The following CYP2E1 variants were observed in gnomAD, a reference collection of about 807,000 sequenced individuals.
The protein encoded by CYP2E1 is cytochrome P450 family 2 subfamily E member 1, also known as cytochrome P450 2E1.
A neutral mutation model predicts 42.9 loss-of-function variants in CYP2E1; 31 were observed. That is an observed-to-expected ratio of 0.72 (90% CI 0.54 to 0.98). The LOEUF (loss-of-function observed/expected upper bound fraction) is 0.98, where lower values mean the gene tolerates loss of function less well. Among genes scored for constraint, CYP2E1 ranks in the 50% least tolerant of loss-of-function variants. The pLI is 0.00. For missense variants in CYP2E1, 565 were observed against 633.2 expected, an observed-to-expected ratio of 0.89 and a Z score of 1.16; for synonymous variants, 244 against 248.9, an observed-to-expected ratio of 0.98 and a Z score of 0.19.
intron 2 of CYP2E1, among the ~76,000 whole-genome samples, chr10:133,528,872 A>T (rs891043819): frequency 6.6e-6 from 1 of 152,182 alleles, no homozygotes; most frequent in Admixed American, 6.5e-5. Flanking sequence ...GGGAGAGTTT[A>T]TGGGGATGGG....
chr10:133,528,724 C>T (rs1851302635), intron 2 of CYP2E1, 84 bp downstream of exon 2: 1 of 1,493,316 alleles, frequency 6.7e-7, no homozygotes. Context: ...CGGCGATGGC[C>T]AAATAATAAA....
At position 133,527,564 on chromosome 10, in the gene CYP2E1, T is replaced by C. The variant is rs756596289; in HGVS notation, c.169T>C (p.Phe57Leu). 1.6e-5 allele frequency: 25 copies of C among 1,609,558 alleles called. No individual in the cohort carries two copies. In the African/African-American group the frequency reaches 2.4e-4, roughly 15 times the overall value. The change falls in exon 1 of 9, where the codon TTC becomes CTC. Residue 57 changes from phenylalanine to leucine, a missense_variant. By Grantham distance (22) the Phe-to-Leu change is conservative. Transcript: ENST00000252945. ...GGAATTGAAGAATATTCCCAAGTCC[T>C]TCACCCGGGTAAGAGAAATAGTGTT... ...QLELKNIPKS[F>L]TRLAQRFGPV...
chr10:133,537,185 G>A lies in CYP2E1; in HGVS notation c.1090G>A (p.Val364Met), dbSNP rs762908601. ...TGAGATTCAGCGGTTCATCACCCTC[G>A]TGCCCTCCAACCTGCCCCATGAAGC... ...VHEIQRFITL[V>M]PSNLPHEATR... Residue 364 changes from valine to methionine, a missense_variant, in exon 7 of 9, where the codon GTG becomes ATG. Physicochemically the swap from Val to Met is conservative, Grantham distance 21. Coordinates refer to ENST00000252945, the MANE Select transcript of CYP2E1 (RefSeq NM_000773.4). The A allele has an allele frequency of 2.2e-5, 36 of 1,613,858 alleles. No homozygotes were observed. Among genetic ancestry groups the A allele is most frequent in the South Asian group, 1.9e-4 (17 of 91,070 alleles).
In CYP2E1 at chr10:133,532,258, C is replaced by T. The variant is rs750987941; in HGVS notation, c.622C>T (p.His208Tyr). ...GATGTATTTGTTTAATGAGAACTTC[C>T]ACCTACTCAGCACTCCCTGGCTCCA... is the stretch of plus-strand genomic sequence containing the variant. Reference protein sequence around the residue: ...RLMYLFNENFHLLSTPWLQLY... With the variant: ...RLMYLFNENFYLLSTPWLQLY... The change falls in exon 4 of 9, where the codon CAC (histidine) becomes TAC (tyrosine). Residue 208 changes from histidine to tyrosine, a missense_variant. By Grantham distance (83) the His-to-Tyr change is moderately conservative. Transcript: ENST00000252945. The T allele has an allele frequency of 6.2e-6, 10 of 1,613,682 alleles. No individual in the cohort carries two copies. The highest frequency in any genetic ancestry group is 1.7e-5 in the Admixed American group (1 of 60,024).
chr10:133,531,603 G>A lies in CYP2E1; in HGVS notation c.356G>A (p.Gly119Glu), dbSNP rs1851336920. 1.9e-6 allele frequency: 3 copies of A among 1,614,040 alleles called. No homozygotes were observed. Among genetic ancestry groups the A allele is most frequent in the Non-Finnish European group, 2.5e-6 (3 of 1,180,002 alleles). ...GCCTTAGGAATCATTTTTAATAATG[G>A]ACCTACCTGGAAGGACATCCGGCGG... ...HRDRGIIFNN[G>E]PTWKDIRRFS... The change falls in exon 3 of 9, where the codon GGA becomes GAA. Residue 119 changes from glycine to glutamate, a missense_variant. Gly to Glu is a moderately conservative substitution (Grantham distance 98). Coordinates refer to ENST00000252945, the MANE Select transcript of CYP2E1 (RefSeq NM_000773.4).
At chr10:133,528,445 G>A in intron 1 of CYP2E1, 36 bp from the exon 2 acceptor site, 1 of 1,606,940 alleles carries the variant, frequency 6.2e-7, no homozygotes, top group Non-Finnish European at 8.5e-7. Context: ...TCCTCGCCGC[G>A]CGGCGGGCCT....
In CYP2E1 at chr10:133,538,890, G is replaced by A. The variant is rs199954662; in HGVS notation, c.1408G>A (p.Asp470Asn). 9 of 1,613,844 alleles carry A rather than the reference G, an allele frequency of 5.6e-6. No individual in the cohort carries two copies. Among genetic ancestry groups the A allele is most frequent in the African/African-American group, 2.7e-5 (2 of 74,850 alleles). ...GCCTCTCGTTGACCCAAAGGATATC[G>A]ACCTCAGCCCTATACATATTGGGTT... is the stretch of plus-strand genomic sequence containing the variant. ...LKPLVDPKDI[D>N]LSPIHIGFGC... The change falls in exon 9 of 9, where the codon GAC becomes AAC. Residue 470 changes from aspartate to asparagine, a missense_variant. By Grantham distance (23) the Asp-to-Asn change is conservative. Coordinates refer to ENST00000252945, the MANE Select transcript of CYP2E1 (RefSeq NM_000773.4).
At chr10:133,534,937 T>C (rs1476436375) in intron 6 of CYP2E1, among the ~76,000 whole-genome samples, 2 of 151,734 alleles carry the variant, frequency 1.3e-5, no homozygotes, top group Non-Finnish European at 2.9e-5. Flanking sequence ...CAATCATGGC[T>C]CATTGTAGCT....
intron 2 of CYP2E1, 71 bp from the exon 3 acceptor site, chr10:133,531,514 A>G (rs1329609710): frequency 1.9e-6 from 3 of 1,558,370 alleles, no homozygotes; most frequent in Non-Finnish European, 1.8e-6. Flanking sequence ...CTGCTCTCCA[A>G]GGCCCTCTGT....
In CYP2E1 at chr10:133,532,583, A is replaced by G. The variant is rs1458089971; in HGVS notation, c.649-109A>G. ...ACTGTTGACCCAAAATATTCCAAATAAACAATGATTACAGCCACAAATTCA... is the reference window on the plus strand; with the variant it reads ...ACTGTTGACCCAAAATATTCCAAATGAACAATGATTACAGCCACAAATTCA... On this transcript the variant is annotated intron_variant, in intron 4 of 8. Transcript: ENST00000252945. 7.5e-6 allele frequency: 8 copies of G among 1,067,010 alleles called. No homozygotes were observed. In the Admixed American group the frequency reaches 1.4e-4, roughly 18 times the overall value. 66.1% of individuals were successfully genotyped at this position (1,067,010 alleles called of 1,614,324 possible).
At chr10:133,528,803 T>C (rs1038472247) in intron 2 of CYP2E1, among the ~76,000 whole-genome samples, 163 bp downstream of exon 2, 2 of 152,174 alleles carry the variant, frequency 1.3e-5, no homozygotes, top group African/African-American at 4.8e-5. Flanking sequence ...CCCCCGCGCG[T>C]TGCCTGCGGA....
chr10:133,532,740 A>C lies in CYP2E1; in HGVS notation c.697A>C (p.Arg233=). The change falls in exon 5 of 9, where the codon AGA becomes CGA. Residue 233 remains arginine (R), a synonymous_variant. Transcript: ENST00000252945. ...SFLHYLPGSH[R]KVIKNVAEVK... ...TCTACACTACTTGCCTGGAAGCCAC[A>C]GAAAAGTCATAAAAAATGTGGCTGA... 6.2e-7 allele frequency: 1 copy of C among 1,612,810 alleles called. No individual in the cohort carries two copies. The highest frequency in any genetic ancestry group is 8.5e-7 in the Non-Finnish European group (1 of 1,179,696).
At chr10:133,530,591 C>CCTG (rs1851324179) in intron 2 of CYP2E1, among the ~76,000 whole-genome samples, 1 of 152,188 alleles carries the variant, frequency 6.6e-6, no homozygotes, top group African/African-American at 2.4e-5. Context: ...CAGGCGCCTC[C>CCTG]CAGGAGTGGT....
chr10:133,537,608 C>G, intron 7 of CYP2E1, 143 bp from the exon 8 acceptor site: 2 of 710,486 alleles, frequency 2.8e-6, no homozygotes, highest in Non-Finnish European at 4.6e-6. Flanking sequence ...TCTATCTAAT[C>G]CTTCACTAAG....
In CYP2E1 at chr10:133,528,517, G is replaced by A. The variant is rs35844228; in HGVS notation, c.214G>A (p.Val72Met). ...QRFGPVFTLY[V>M]GSQRMVVMHG... Reference sequence around the variant, plus strand: ...CTTCGGGCCGGTGTTCACGCTGTACGTGGGCTCGCAGCGCATGGTGGTGAT... The same window carrying A: ...CTTCGGGCCGGTGTTCACGCTGTACATGGGCTCGCAGCGCATGGTGGTGAT... Residue 72 changes from valine (V) to methionine (M), a missense_variant, in exon 2 of 9, where the codon GTG becomes ATG. Transcript: ENST00000252945. The A allele has an allele frequency of 1.9e-6, 3 of 1,613,480 alleles. No homozygotes were observed. The highest frequency in any genetic ancestry group is 1.7e-6 in the Non-Finnish European group (2 of 1,179,962).
intron 1 of CYP2E1, chr10:133,528,231 CCGCGGAGTTGT>C (rs926543480): frequency 5.0e-5 from 21 of 417,898 alleles, no homozygotes; most frequent in African/African-American, 4.0e-4. Flanking sequence ...CGCGGAGTTG[CCGCGGAGTTGT>C]CCGCGGAGTC....
chr10:133,529,379 C>T (rs896624781), intron 2 of CYP2E1, among the ~76,000 whole-genome samples: 1 of 152,224 alleles, frequency 6.6e-6, no homozygotes, highest in African/African-American at 2.4e-5. Flanking sequence ...CTCTTCCTGC[C>T]TGCAGACCTG....
intron 7 of CYP2E1, 143 bp from the exon 8 acceptor site, chr10:133,537,608 C>A: frequency 1.4e-6 from 1 of 710,486 alleles, no homozygotes; most frequent in Non-Finnish European, 2.3e-6. Flanking sequence ...TCTATCTAAT[C>A]CTTCACTAAG....
chr10:133,531,075 A>C (rs2854144), intron 2 of CYP2E1, among the ~76,000 whole-genome samples: 1 of 152,108 alleles, frequency 6.6e-6, no homozygotes, highest in Non-Finnish European at 1.5e-5. Flanking sequence ...TTGCACAGTC[A>C]CTTGTGTGAC....
Sources: gnomAD v4.1 joint callset for allele counts (sites outside exome capture counted in the v4.1 genomes callset) on GRCh38, gnomAD v4.1.1 for gene constraint, MANE v1.5 for transcripts, NCBI Gene and HGNC (gene_info 2026-07-23, HGNC 2026-07-21) for gene names.